Variants in CSNK1D observed in about 807,000 individuals in gnomAD.
The protein encoded by CSNK1D is casein kinase I isoform delta.
CSNK1D carries 16 observed loss-of-function variants against 46.6 expected under a neutral mutation model. The ratio of observed to expected loss-of-function variants is 0.34; its 90% CI spans 0.23 to 0.52. CSNK1D has a LOEUF of 0.52. Ranked by LOEUF, CSNK1D falls within the 20% of genes least tolerant of loss-of-function variation. CSNK1D has a pLI of 0.95. For synonymous variants in CSNK1D, 276 were observed against 228.2 expected (o/e 1.21, Z -1.89); for missense variants, 398 against 578.4 (o/e 0.69, Z 3.20).
intron 1 of CSNK1D, among the ~76,000 whole-genome samples, chr17:82,269,541 C>T (rs527320000): frequency 1.1e-4 from 16 of 152,324 alleles, no homozygotes; most frequent in African/African-American, 3.6e-4. Flanking sequence ...GCAGTTAGCT[C>T]CCAAAAGATG....
At chr17:82,266,023 A>G (rs1295504049) in intron 1 of CSNK1D, among the ~76,000 whole-genome samples, 1 of 152,218 alleles carries the variant, frequency 6.6e-6, no homozygotes. Flanking sequence ...CAGAAAGTTT[A>G]TGTGGCTTCC....
At chr17:82,240,075 G>C, downstream of CSNK1D, 1 of 1,233,736 alleles carries the variant, frequency 8.1e-7, no homozygotes, top group Non-Finnish European at 1.0e-6. Flanking sequence ...GCAATGAAAA[G>C]CAAGCGAAAA....
At chr17:82,253,345 C>T in intron 3 of CSNK1D, 101 bp from the exon 4 acceptor site, 1 of 948,544 alleles carries the variant, frequency 1.1e-6, no homozygotes, top group African/African-American at 1.6e-5. Flanking sequence ...TGTTCCTGCC[C>T]CTCAGCCACA....
At chr17:82,254,230 C>T (rs1247355893) in intron 3 of CSNK1D, 1 of 238,144 alleles carries the variant, frequency 4.2e-6, no homozygotes, top group South Asian at 3.2e-5. Flanking sequence ...GCCGGAGCCT[C>T]GAGAAGCCAG....
At position 82,246,602 on chromosome 17, in the gene CSNK1D, G is replaced by A. The variant is rs1295713811; in HGVS notation, c.1198-1771C>T. 2.1e-5 allele frequency: 22 copies of A among 1,023,340 alleles called. No homozygotes were observed. In the South Asian group the frequency reaches 2.9e-4, roughly 14 times the overall value. The allele number at this position is 1,023,340 out of a possible 1,614,324, so 63.4% of individuals were successfully genotyped here. A position where few individuals can be genotyped will look rare whatever the true frequency, so the allele number is the denominator to read the frequency against. On this transcript the variant is annotated intron_variant, in intron 8 of 8. Transcript: ENST00000314028. The stretch of plus-strand genomic sequence containing the variant: ...CCAACAGCCCGAAAAGAGAGGGGGC[G>A]AAGAGGGAACAGACCCAGGCGGAGT...
At chr17:82,253,277 C>A (rs988953806) in intron 3 of CSNK1D, 33 bp from the exon 4 acceptor site, 1 of 1,563,502 alleles carries the variant, frequency 6.4e-7, no homozygotes, top group African/African-American at 1.4e-5. Context: ...AGATGGCACC[C>A]CAGGGCAGTC....
chr17:82,244,911 G>T, intron 8 of CSNK1D, 80 bp from the exon 9 acceptor site: 1 of 1,586,182 alleles, frequency 6.3e-7, no homozygotes. Flanking sequence ...GACGGTGCTG[G>T]GCAGGGAGGG....
chr17:82,248,941 G>A lies in CSNK1D; in HGVS notation c.1131C>T (p.Ala377=). 6.2e-7 allele frequency: 1 copy of A among 1,603,918 alleles called. No homozygotes were observed. Among genetic ancestry groups the A allele is most frequent in the Non-Finnish European group, 8.5e-7 (1 of 1,174,668 alleles). The change falls in exon 8 of 9, where the codon GCC becomes GCT. Residue 377 remains alanine, a synonymous_variant. Transcript: ENST00000314028. The surrounding 1 kb of genome is among the most constrained non-coding windows in gnomAD (Gnocchi z 4.1). ...GGTCGGACGAGGAGATGTTGACGGG[G>A]GCCCCGCGGTGCAGCCGCATACTCA... ...RKVSMRLHRG[A]PVNISSSDLT...
intron 1 of CSNK1D, among the ~76,000 whole-genome samples, chr17:82,272,669 C>T (rs1178617522): frequency 5.9e-5 from 9 of 152,204 alleles, no homozygotes; most frequent in African/African-American, 1.9e-4. Context: ...GGAGGGCAAG[C>T]CCCACTCCTA....
rs914595639 is a variant in CSNK1D at position 82,246,794 on chromosome 17, G to C, written c.1198-1963C>G. 9.1e-6 allele frequency: 9 copies of C among 988,016 alleles called. No homozygotes were observed. The African/African-American group carries it at 1.6e-4, about 17-fold the overall frequency. The allele number at this position is 988,016 out of a possible 1,614,324, so 61.2% of individuals were successfully genotyped here. On this transcript the variant is annotated intron_variant, in intron 8 of 8. Transcript: ENST00000314028. ...GGCGCAAGGTCTCCTGAGAGGAGCA[G>C]AAAGAACAGGGAAGAGCGACGGCCC...
rs1418739048 is a variant in CSNK1D, at chr17:82,273,674, C to T, written c.-293G>A. 7.8e-6 allele frequency: 4 copies of T among 514,228 alleles called. No individual in the cohort carries two copies. The highest frequency in any genetic ancestry group is 1.4e-5 in the Non-Finnish European group (4 of 294,582). The allele number at this position is 514,228 out of a possible 1,614,324, so 31.9% of individuals were successfully genotyped here. A position where few individuals can be genotyped will look rare whatever the true frequency, so the allele number is the denominator to read the frequency against. On this transcript the variant is annotated 5_prime_UTR_variant, in exon 1 of 9. Transcript: ENST00000314028. This position sits in a 1 kb window ranked among gnomAD's most constrained non-coding sequence, Gnocchi z 5.1. ...CGGGCCTAAATCCCCTTTCAGCTGC[C>T]TAAAGGAGCCGCCGCCATCGCGCTG...
chr17:82,271,792 T>C (rs2051631760), intron 1 of CSNK1D, among the ~76,000 whole-genome samples: 1 of 152,222 alleles, frequency 6.6e-6, no homozygotes. Context: ...AACTGGAGAC[T>C]GTCCACATGT....
At position 82,252,192 on chromosome 17, in the gene CSNK1D, C is replaced by CT. The variant is rs1375998344; in HGVS notation, c.736+241dup. On this transcript the variant is annotated intron_variant, in intron 5 of 8. Coordinates refer to ENST00000314028, the MANE Select transcript of CSNK1D (RefSeq NM_001893.6). This position sits in a 1 kb window ranked among gnomAD's most constrained non-coding sequence, Gnocchi z 4.6. ...GCCCTGAGGCTCGGGCCTGCCTTGC[C>CT]TGCCATCTCTCCAGGGCCTCCAAGT... Among the ~76,000 whole-genome samples the CT allele has an allele frequency of 6.6e-6, 1 of 152,220 alleles. No individual in the cohort carries two copies. Among genetic ancestry groups the CT allele is most frequent in the African/African-American group, 2.4e-5 (1 of 41,458 alleles).
chr17:82,245,241 C>T (rs1349303189), intron 8 of CSNK1D: 3 of 347,532 alleles, frequency 8.6e-6, no homozygotes, highest in South Asian at 5.1e-5. Flanking sequence ...TGCAGCGGGT[C>T]TCCCAGCGGC....
In CSNK1D at chr17:82,265,652, C is replaced by A. The variant is rs769009482; in HGVS notation, c.187+34G>T. The A allele has an allele frequency of 2.0e-6, 3 of 1,514,506 alleles. No individual in the cohort carries two copies. In the East Asian group the frequency reaches 6.8e-5, roughly 34 times the overall value. 93.8% of individuals were successfully genotyped at this position (1,514,506 alleles called of 1,614,324 possible). The stretch of plus-strand genomic sequence containing the variant: ...TGCTGTTCTCCCTTGTCAAACAGAA[C>A]CCTGGTGTTGCTCTGTGACTGGTAA... On this transcript the variant is annotated intron_variant, in intron 2 of 8. Coordinates refer to ENST00000314028, the MANE Select transcript of CSNK1D (RefSeq NM_001893.6).
chr17:82,245,907 C>T, intron 8 of CSNK1D: 1 of 1,490,058 alleles, frequency 6.7e-7, no homozygotes, highest in East Asian at 2.4e-5. Flanking sequence ...TGCAAGCTCC[C>T]ATGGGTGGGG....
At chr17:82,245,288 AGCCGCCGAGCGCGCGTG>A (rs1032043267) in intron 8 of CSNK1D, 6 of 296,644 alleles carry the variant, frequency 2.0e-5, no homozygotes, top group African/African-American at 1.3e-4. Flanking sequence ...TGCTGGAAGG[AGCCGCCGAGCGCGCGTG>A]GCCGCCGAGG....
chr17:82,267,463 G>C (rs1303122049), intron 1 of CSNK1D, among the ~76,000 whole-genome samples: 2 of 152,102 alleles, frequency 1.3e-5, no homozygotes, highest in Admixed American at 6.6e-5. Flanking sequence ...TCCAGCCTGG[G>C]CCCCAAACCC....
Position 82,253,086 on chromosome 17 carries a change from G to T in CSNK1D, c.495C>A (p.Ile165=). 1 of 1,614,246 alleles carries T rather than the reference G, an allele frequency of 6.2e-7. No individual in the cohort carries two copies. The highest frequency in any genetic ancestry group is 8.5e-7 in the Non-Finnish European group (1 of 1,180,040). The change falls in exon 4 of 9, where the codon ATC becomes ATA. Residue 165 remains isoleucine (I), a synonymous_variant. Transcript: ENST00000314028. ...KYRDARTHQH[I]PYRENKNLTG... ...TGAGGTTCTTGTTCTCACGATAGGG[G>T]ATGTGCTGGTGGGTGCGTGCATCCC...
Sources: gnomAD v4.1 joint callset for allele counts (sites outside exome capture counted in the v4.1 genomes callset) on GRCh38, gnomAD v4.1.1 for gene constraint, Gnocchi (gnomAD v3.1) non-coding constraint, MANE v1.5 for transcripts, NCBI Gene and HGNC (gene_info 2026-07-23, HGNC 2026-07-21) for gene names.